SYNE1: variants seen among roughly 807,000 people sequenced by gnomAD.
SYNE1 encodes the protein nesprin-1.
A neutral mutation model predicts 1,111.0 loss-of-function variants in SYNE1; 616 were observed. The ratio of observed to expected loss-of-function variants is 0.55; its 90% CI spans 0.52 to 0.59. The LOEUF (loss-of-function observed/expected upper bound fraction) is 0.59. Ranked by LOEUF, SYNE1 falls within the 20% of genes least tolerant of loss-of-function variation. SYNE1 has a pLI of 0.00. For missense variants in SYNE1, 10,006 were observed against 10,417.0 expected (o/e 0.96, Z 1.72); for synonymous variants, 3,855 against 3,825.8 (o/e 1.01, Z -0.28).
Position 152,511,655 on chromosome 6 carries a change from T to C in SYNE1, c.310-552A>G, listed in dbSNP as rs17842544. 6,452 of 1,533,032 alleles carry C rather than the reference T, an allele frequency of 4.2e-3. 239 individuals carry two copies. In the African/African-American group the frequency reaches 0.076, roughly 18 times the overall value. 95.0% of individuals were successfully genotyped at this position (1,533,032 alleles called of 1,614,324 possible). A position where few individuals can be genotyped will look rare whatever the true frequency, so the allele number is the denominator to read the frequency against. ...ATAAATCATCTTTCAAAATCAGCATTATTTGTTCAAAGGGAATAAAGAGGT... is the reference window on the plus strand; with the variant it reads ...ATAAATCATCTTTCAAAATCAGCATCATTTGTTCAAAGGGAATAAAGAGGT... On this transcript the variant is annotated intron_variant, in intron 6 of 145. Coordinates refer to ENST00000367255, the MANE Select transcript of SYNE1 (RefSeq NM_182961.4).
At position 152,429,533 on chromosome 6, in the gene SYNE1, C is replaced by A. The variant is rs1026498272; in HGVS notation, c.4788+579G>T. On this transcript the variant is annotated intron_variant, in intron 36 of 145. Transcript: ENST00000367255. ...ACACCTTTATAAATGTTCGTGCACA[C>A]ATGAACATGCAATATGAATCATATT... is the stretch of plus-strand genomic sequence containing the variant. Among the ~76,000 whole-genome samples, 3 of 152,290 alleles carry A rather than the reference C, an allele frequency of 2.0e-5. No individual in the cohort carries two copies. The East Asian group carries it at 5.8e-4, about 29-fold the overall frequency.
chr6:152,451,487 TTTTTTTTTTTG>T, intron 25 of SYNE1, among the ~76,000 whole-genome samples: 1 of 139,072 alleles, frequency 7.2e-6, no homozygotes, highest in African/African-American at 2.7e-5. Flanking sequence ...TTTTTTTTTT[TTTTTTTTTTTG>T]GTGAGATGGA....
Position 152,164,978 on chromosome 6 carries a change from A to G in SYNE1, c.23628-653T>C, listed in dbSNP as rs1460709783. On this transcript the variant is annotated intron_variant, in intron 130 of 145. Coordinates refer to ENST00000367255, the MANE Select transcript of SYNE1 (RefSeq NM_182961.4). ...TGTCAAGAGCAACATGACTTGTAAG[A>G]CTCTAGGTTTGTGATACATTTAAAG... Among the ~76,000 whole-genome samples, 47 of 152,038 alleles carry G rather than the reference A, an allele frequency of 3.1e-4. 1 individual carries two copies. Among genetic ancestry groups the G allele is most frequent in the Admixed American group, 3.0e-3 (46 of 15,254 alleles).
At chr6:152,494,314 C>T (rs1003403302) in intron 11 of SYNE1, among the ~76,000 whole-genome samples, 5 of 152,200 alleles carry the variant, frequency 3.3e-5, no homozygotes, top group Admixed American at 6.5e-5. Context: ...TTGTTCCTGG[C>T]CTGGACTTCA....
chr6:152,202,163 A>G (rs2153369531), intron 126 of SYNE1, among the ~76,000 whole-genome samples: 1 of 152,094 alleles, frequency 6.6e-6, no homozygotes, highest in Middle Eastern at 3.4e-3. Flanking sequence ...TCTGGCCAAC[A>G]TGGTGAAACC....
In SYNE1 at chr6:152,386,233, T is replaced by C. The variant is rs75640514; in HGVS notation, c.8488-395A>G. 4.9e-4 allele frequency among the ~76,000 whole-genome samples: 75 copies of C among 152,294 alleles called. 3 individuals are homozygous for C. In the East Asian group the frequency reaches 0.014, roughly 29 times the overall value. On this transcript the variant is annotated intron_variant, in intron 54 of 145. Coordinates refer to ENST00000367255, the MANE Select transcript of SYNE1 (RefSeq NM_182961.4). ...GGTCATTTAATCTTCATAACAGTCC[T>C]GTGAGGAAGATACTATTATTATTAT... is the stretch of plus-strand genomic sequence containing the variant.
chr6:152,310,563 TA>T, intron 88 of SYNE1, 45 bp from the exon 89 acceptor site: 1 of 1,613,294 alleles, frequency 6.2e-7, no homozygotes, highest in Non-Finnish European at 8.5e-7. Context: ...TTCAAAGCCA[TA>T]GGGGAAGAAT....
At chr6:152,184,123 T>G (rs1400569690) in intron 128 of SYNE1, among the ~76,000 whole-genome samples, 2 of 152,122 alleles carry the variant, frequency 1.3e-5, no homozygotes, top group Non-Finnish European at 2.9e-5. Flanking sequence ...ATTAGAGAAA[T>G]AAGAGAGTAA....
Position 152,510,303 on chromosome 6 carries a change from G to A in SYNE1, c.471C>T (p.Ser157=). The A allele has an allele frequency of 6.2e-7, 1 of 1,614,024 alleles. No homozygotes were observed. The highest frequency in any genetic ancestry group is 8.5e-7 in the Non-Finnish European group (1 of 1,179,978). ...GGCTGGGAGTCTCAGAGCTAACTAT[G>A]CTGTCCACGGAGGATGCGCTGCTGG... ...SLSSSASSVD[S]IVSSETPSPP... Residue 157 remains serine, a synonymous_variant, in exon 8 of 146, where the codon AGC becomes AGT. Transcript: ENST00000367255.
chr6:152,358,118 G>T (rs553855568), intron 66 of SYNE1, among the ~76,000 whole-genome samples: 3 of 152,180 alleles, frequency 2.0e-5, no homozygotes, highest in African/African-American at 7.2e-5. Context: ...CCAGCCATTT[G>T]TCAGGGCCAC....
intron 5 of SYNE1, among the ~76,000 whole-genome samples, chr6:152,525,332 T>C (rs1313938336): frequency 6.6e-6 from 1 of 152,192 alleles, no homozygotes; most frequent in Non-Finnish European, 1.5e-5. Flanking sequence ...ACTTTCAATT[T>C]TGGACTCTGT....
chr6:152,134,965 T>C (rs1350844852), intron 142 of SYNE1, 139 bp downstream of exon 142: 3 of 1,143,340 alleles, frequency 2.6e-6, no homozygotes, highest in Non-Finnish European at 3.8e-6. Context: ...CACAGGGAGT[T>C]AAAAAAGTGT....
intron 29 of SYNE1, 75 bp from the exon 30 acceptor site, chr6:152,444,653 G>C: frequency 7.3e-7 from 1 of 1,375,280 alleles, no homozygotes; most frequent in Non-Finnish European, 1.0e-6. Flanking sequence ...TTTTGGTAAG[G>C]TATGATTGAC....
intron 3 of SYNE1, among the ~76,000 whole-genome samples, chr6:152,608,042 G>A (rs3108459): frequency 0.58 from 88,762 of 151,802 alleles, 26,017 homozygotes; most frequent in East Asian, 0.64. Flanking sequence ...GAGGGGTGAG[G>A]GGCAAGGGGA....
Position 152,136,635 on chromosome 6 carries a change from C to A in SYNE1, c.25642G>T (p.Ala8548Ser). ...CTACAGACCTGGCACTGCATCAGGG[C>A]ATCCTGCAGCAGGCCCCGCCACTCC... ...LEEWRGLLQD[A>S]LMQCQGFHEM... The change falls in exon 141 of 146, where the codon GCC becomes TCC. Residue 8548 changes from alanine to serine, a missense_variant. Coordinates refer to ENST00000367255, the MANE Select transcript of SYNE1 (RefSeq NM_182961.4). The A allele has an allele frequency of 1.2e-6, 2 of 1,613,712 alleles. No homozygotes were observed. The highest frequency in any genetic ancestry group is 1.7e-6 in the Non-Finnish European group (2 of 1,180,030).
intron 128 of SYNE1, among the ~76,000 whole-genome samples, chr6:152,186,662 T>TG (rs200151475): frequency 0.012 from 1,734 of 147,426 alleles, 24 homozygotes; most frequent in Non-Finnish European, 0.017. Context: ...TCCAGGTCTT[T>TG]GGGGAGGGAA....
intron 67 of SYNE1, among the ~76,000 whole-genome samples, chr6:152,354,457 A>C (rs2096798935): frequency 6.6e-6 from 1 of 152,262 alleles, no homozygotes; most frequent in South Asian, 2.1e-4. Context: ...GGTTACATTA[A>C]ACTACCTTGT....
intron 4 of SYNE1, among the ~76,000 whole-genome samples, chr6:152,529,353 ATACTG>A (rs377134115): frequency 1.7e-3 from 261 of 152,300 alleles, no homozygotes; most frequent in African/African-American, 6.1e-3. Flanking sequence ...TTTTCATTTC[ATACTG>A]TATGTGAGTG....
At chr6:152,152,785 CTTT>C (rs1447040094) in intron 133 of SYNE1, among the ~76,000 whole-genome samples, 1 of 152,070 alleles carries the variant, frequency 6.6e-6, no homozygotes, top group Non-Finnish European at 1.5e-5. Context: ...TGCTCTGTTT[CTTT>C]TTTGTTGTTC....
Sources: gnomAD v4.1 joint callset for allele counts (sites outside exome capture counted in the v4.1 genomes callset) on GRCh38, gnomAD v4.1.1 for gene constraint, MANE v1.5 for transcripts, NCBI Gene and HGNC (gene_info 2026-07-23, HGNC 2026-07-21) for gene names.